The following FANCI variants were observed in gnomAD, a reference collection of about 807,000 sequenced individuals.
The protein encoded by FANCI is FA complementation group I.
A neutral mutation model predicts 176.1 loss-of-function variants in FANCI; 156 were observed. That is an observed-to-expected ratio of 0.89 (90% CI 0.78 to 1.01). The LOEUF (loss-of-function observed/expected upper bound fraction) is 1.01, where lower values mean the gene tolerates loss of function less well. FANCI is among the 50% of genes least tolerant of loss of function. The pLI is 0.00. For missense variants in FANCI, 1,678 were observed against 1,534.1 expected, an observed-to-expected ratio of 1.09 and a Z score of -1.57; for synonymous variants, 613 against 541.7, an observed-to-expected ratio of 1.13 and a Z score of -1.83.
At chr15:89,315,255 T>G (rs1021580314) in intron 36 of FANCI, 27 bp from the exon 37 acceptor site, 5 of 1,531,968 alleles carry the variant, frequency 3.3e-6, no homozygotes, top group African/African-American at 1.4e-5. Flanking sequence ...AGTAGGGAGA[T>G]GTCCCATGCT....
intron 34 of FANCI, 145 bp downstream of exon 34, chr15:89,307,817 CAAGG>C: frequency 6.5e-7 from 1 of 1,542,888 alleles, no homozygotes. Flanking sequence ...GAGACCAAGC[CAAGG>C]CTTGAGGGCT....
At chr15:89,246,769 T>C (rs1356158123) in intron 1 of FANCI, among the ~76,000 whole-genome samples, 1 of 141,708 alleles carries the variant, frequency 7.1e-6, no homozygotes, top group Non-Finnish European at 1.5e-5. Context: ...CTTTCTTTTT[T>C]TTTTTTTTTT....
chr15:89,300,207 A>G, intron 25 of FANCI, 93 bp from the exon 26 acceptor site: 1 of 1,276,968 alleles, frequency 7.8e-7, no homozygotes, highest in Non-Finnish European at 1.1e-6. Context: ...CTGCCTTTAG[A>G]CTTTTTTTTG....
intron 2 of FANCI, among the ~76,000 whole-genome samples, chr15:89,252,526 G>A (rs1429249403): frequency 6.6e-6 from 1 of 151,942 alleles, no homozygotes; most frequent in African/African-American, 2.4e-5. Flanking sequence ...GATCACCTGA[G>A]GTGAGGAGTT....
intron 2 of FANCI, among the ~76,000 whole-genome samples, chr15:89,248,964 C>T (rs533096926): frequency 3.3e-5 from 5 of 152,054 alleles, no homozygotes; most frequent in Non-Finnish European, 7.4e-5. Flanking sequence ...TCCTTTAGGC[C>T]AGGAGTTCGA....
Position 89,260,813 on chromosome 15 carries a change from G to T in FANCI, c.258G>T (p.Ala86=), listed in dbSNP as rs750230813. 7 of 1,613,780 alleles carry T rather than the reference G, an allele frequency of 4.3e-6. No individual in the cohort carries two copies. The African/African-American group carries it at 8.0e-5, about 18-fold the overall frequency. ...CGGGGGATTTGCAGAAAGAAATAGC[G>T]TCTGAGATCATAGGATTACTGATGC... The part of the protein sequence containing the change: ...VESGDLQKEI[A]SEIIGLLMLE... Residue 86 remains alanine (A), a synonymous_variant, in exon 4 of 38, where the codon GCG becomes GCT. Transcript: ENST00000310775.
rs1371121920 is a variant in FANCI, at chr15:89,316,823, T to G, written c.*364T>G. On this transcript the variant is annotated 3_prime_UTR_variant, in exon 38 of 38. Coordinates refer to ENST00000310775, the MANE Select transcript of FANCI (RefSeq NM_001113378.2). ...CAATTATCTGGTAAATATCCAGCGC[T>G]TCACCTGAAAGATAGTGCAAATTGG... 1.2e-6 allele frequency: 2 copies of G among 1,613,156 alleles called. No individual in the cohort carries two copies. Among genetic ancestry groups the G allele is most frequent in the Admixed American group, 1.7e-5 (1 of 60,018 alleles).
At position 89,258,701 on chromosome 15, in the gene FANCI, C is replaced by T. The variant is rs891999762; in HGVS notation, c.85-3C>T. 4 of 1,611,588 alleles carry T rather than the reference C, an allele frequency of 2.5e-6. No individual in the cohort carries two copies. In the African/African-American group the frequency reaches 4.0e-5, roughly 16 times the overall value. The stretch of plus-strand genomic sequence containing the variant: ...AGACTTGTACCTTTTTCTTTCTTTG[C>T]AGTTGACTAATCTCCTTCAGAATCA... On this transcript the variant is annotated splice_polypyrimidine_tract_variant and splice_region_variant and intron_variant, in intron 2 of 37. Transcript: ENST00000310775.
Position 89,316,503 on chromosome 15 carries a change from T to A in FANCI, c.*44T>A, listed in dbSNP as rs764796006. 1.9e-6 allele frequency: 3 copies of A among 1,568,014 alleles called. No individual in the cohort carries two copies. The African/African-American group carries it at 4.1e-5, about 21-fold the overall frequency. On this transcript the variant is annotated 3_prime_UTR_variant, in exon 38 of 38. Transcript: ENST00000310775. Reference sequence around the variant, plus strand: ...TGTGAACTTTGGGGCTTCTGCTTCATTTTTACCCAACAAGCAACAATGCCC... The same window carrying A: ...TGTGAACTTTGGGGCTTCTGCTTCAATTTTACCCAACAAGCAACAATGCCC...
intron 9 of FANCI, 42 bp downstream of exon 9, chr15:89,264,649 T>A: frequency 6.5e-7 from 1 of 1,533,822 alleles, no homozygotes; most frequent in South Asian, 1.1e-5. Flanking sequence ...TTTTACAAAT[T>A]CATCTTCTCA....
rs376956791 is a variant in FANCI at position 89,276,861 on chromosome 15, C to T, written c.1263C>T (p.Leu421=). 398 of 1,614,126 alleles carry T rather than the reference C, an allele frequency of 2.5e-4. 8 individuals carry two copies. In the South Asian group the frequency reaches 4.1e-3, roughly 16 times the overall value. Residue 421 remains leucine (L), a synonymous_variant, in exon 13 of 38, where the codon CTC becomes CTT. Transcript: ENST00000310775. The stretch of plus-strand genomic sequence containing the variant: ...TGCCAAACCAGCATGCATGTAAGCT[C>T]GGAGCTAATATCCTGTTGGAAACTT... ...SRMPNQHACK[L]GANILLETFK... is the part of the protein sequence containing the mutation.
At chr15:89,257,090 T>C (rs568844061) in intron 2 of FANCI, among the ~76,000 whole-genome samples, 1 of 152,216 alleles carries the variant, frequency 6.6e-6, no homozygotes, top group East Asian at 1.9e-4. Context: ...GTATTTTTAG[T>C]AGAGACGGGG....
At chr15:89,279,510 C>T (rs1453359732) in intron 14 of FANCI, among the ~76,000 whole-genome samples, 1 of 152,158 alleles carries the variant, frequency 6.6e-6, no homozygotes, top group East Asian at 1.9e-4. Flanking sequence ...TACTAGCCTT[C>T]ATCACAAATT....
chr15:89,280,699 T>C (rs533327638), intron 14 of FANCI, among the ~76,000 whole-genome samples: 5 of 152,368 alleles, frequency 3.3e-5, no homozygotes, highest in African/African-American at 1.2e-4. Flanking sequence ...TTAATAGATA[T>C]TTGATATTGC....
chr15:89,289,493 TGGGG>T (rs2053974083), intron 18 of FANCI, among the ~76,000 whole-genome samples: 1 of 151,990 alleles, frequency 6.6e-6, no homozygotes, highest in Non-Finnish European at 1.5e-5. Flanking sequence ...TTAGTAGAGA[TGGGG>T]TTTCACCATG....
chr15:89,269,049 G>C (rs539312340), intron 10 of FANCI, among the ~76,000 whole-genome samples: 17 of 152,236 alleles, frequency 1.1e-4, no homozygotes, highest in South Asian at 2.1e-4. Flanking sequence ...AGATATATTT[G>C]TTCCTCCAAC....
At chr15:89,285,971 A>C (rs1446669144) in intron 18 of FANCI, among the ~76,000 whole-genome samples, 1 of 144,484 alleles carries the variant, frequency 6.9e-6, no homozygotes, top group East Asian at 2.0e-4. Context: ...CTTTCCAAAC[A>C]TTGTTCCAAA....
chr15:89,282,633 A>G (rs981066974), intron 16 of FANCI: 6 of 196,094 alleles, frequency 3.1e-5, no homozygotes, highest in South Asian at 1.0e-4. Context: ...ACCCAAAGGC[A>G]TAGCGAATAG....
rs1164805902 is a variant in FANCI, at chr15:89,316,380, A to C, written c.3925-17A>C. The C allele has an allele frequency of 6.2e-7, 1 of 1,608,540 alleles. No individual in the cohort carries two copies. Among genetic ancestry groups the C allele is most frequent in the African/African-American group, 1.3e-5 (1 of 74,810 alleles). On this transcript the variant is annotated splice_polypyrimidine_tract_variant and intron_variant, in intron 37 of 37. Transcript: ENST00000310775. ...GCAGGTTTATCACGTTAGAGCATTA[A>C]TTCTTTCCCCTTCTAGGGCACTGCA... is the stretch of plus-strand genomic sequence containing the variant.
Sources: gnomAD v4.1 joint callset for allele counts (sites outside exome capture counted in the v4.1 genomes callset) on GRCh38, gnomAD v4.1.1 for gene constraint, MANE v1.5 for transcripts, NCBI Gene and HGNC (gene_info 2026-07-23, HGNC 2026-07-21) for gene names.